Variants in CTNND1 observed in about 807,000 individuals in gnomAD.
CTNND1 encodes catenin delta 1.
CTNND1 carries 16 observed loss-of-function variants against 112.1 expected under a neutral mutation model. The ratio of observed to expected loss-of-function variants is 0.14; its 90% confidence interval spans 0.10 to 0.22. The LOEUF is 0.22. Ranked by LOEUF, CTNND1 falls within the 10% of genes least tolerant of loss-of-function variation. CTNND1 has a pLI of 1.00. For synonymous variants in CTNND1, 420 were observed against 446.5 expected (o/e 0.94, Z 0.75); for missense variants, 1,008 against 1,257.0 (o/e 0.80, Z 3.00).
chr11:57,803,885 A>G (rs1429906543), intron 8 of CTNND1, 81 bp downstream of exon 8: 2 of 1,139,464 alleles, frequency 1.8e-6, no homozygotes, highest in African/African-American at 3.2e-5. Flanking sequence ...AAAAATTAAA[A>G]TTCTTTAGCC....
chr11:57,783,163 A>G (rs1427555445), intron 1 of CTNND1, among the ~76,000 whole-genome samples: 4 of 152,112 alleles, frequency 2.6e-5, no homozygotes, highest in Non-Finnish European at 5.9e-5. Flanking sequence ...GCACATGCCT[A>G]TAGTCCCAGC....
intron 4 of CTNND1, 123 bp from the exon 5 acceptor site, chr11:57,795,454 A>T: frequency 1.0e-6 from 1 of 994,184 alleles, no homozygotes; most frequent in African/African-American, 1.7e-5. Flanking sequence ...AAAAATCCTG[A>T]GGCCTATAGA....
At chr11:57,800,415 C>T (rs995472795) in intron 6 of CTNND1, among the ~76,000 whole-genome samples, 1 of 151,938 alleles carries the variant, frequency 6.6e-6, no homozygotes, top group African/African-American at 2.4e-5. Flanking sequence ...TTACAGGTGC[C>T]CACCACCATG....
Position 57,789,036 on chromosome 11 carries a change from GCT to G in CTNND1, c.-208_-207del. 6.5e-7 allele frequency: 1 copy of G among 1,533,308 alleles called. No homozygotes were observed. The highest frequency in any genetic ancestry group is 1.2e-5 in the South Asian group (1 of 84,018). 95.0% of individuals were successfully genotyped at this position (1,533,308 alleles called of 1,614,324 possible). On this transcript the variant is annotated splice_region_variant and 5_prime_UTR_variant, in exon 2 of 21. Transcript: ENST00000399050. ...CATTTTTCCTTCAAATATTTCTGCA[GCT>G]CTCTCCTTCCTGCTTCCTCCTTGCT...
chr11:57,788,940 T>G lies in CTNND1; in HGVS notation c.-213-97T>G. 1.1e-6 allele frequency: 1 copy of G among 882,560 alleles called. No individual in the cohort carries two copies. Among genetic ancestry groups the G allele is most frequent in the Admixed American group, 2.0e-5 (1 of 48,874 alleles). 54.7% of individuals were successfully genotyped at this position (882,560 alleles called of 1,614,324 possible). On this transcript the variant is annotated intron_variant, in intron 1 of 20. Coordinates refer to ENST00000399050, the MANE Select transcript of CTNND1 (RefSeq NM_001085458.2). This position sits in a 1 kb window ranked among gnomAD's most constrained non-coding sequence, Gnocchi z 4.1. Reference sequence around the variant, plus strand: ...CAAGTCATATTTTAAATTACTTCCTTTCATTCCTAATATTGCCCCTTGCTC... The same window carrying G: ...CAAGTCATATTTTAAATTACTTCCTGTCATTCCTAATATTGCCCCTTGCTC...
chr11:57,787,524 C>T (rs2060260655), intron 1 of CTNND1, among the ~76,000 whole-genome samples: 1 of 152,194 alleles, frequency 6.6e-6, no homozygotes, highest in Non-Finnish European at 1.5e-5. Context: ...CTGAGTTAGA[C>T]CGGGCTAATT....
chr11:57,795,368 T>A (rs1251662849), intron 4 of CTNND1, among the ~76,000 whole-genome samples: 1 of 152,218 alleles, frequency 6.6e-6, no homozygotes, highest in Non-Finnish European at 1.5e-5. Flanking sequence ...TAGTTCATGT[T>A]TGTTAAATGA....
chr11:57,777,079 T>C (rs2136209734), intron 1 of CTNND1, among the ~76,000 whole-genome samples: 1 of 152,322 alleles, frequency 6.6e-6, no homozygotes, highest in East Asian at 1.9e-4. Context: ...TCTTGAGAGA[T>C]AAAGGGAGTT....
rs571444216 is a variant in CTNND1, at chr11:57,801,719, C to T, written c.957-14C>T. ...GACTTGATGTATTCTCTTGGTTCTTCCAAAACTTCTCAGGAGCTATGAAGA... is the reference window on the plus strand; with the variant it reads ...GACTTGATGTATTCTCTTGGTTCTTTCAAAACTTCTCAGGAGCTATGAAGA... On this transcript the variant is annotated splice_polypyrimidine_tract_variant and intron_variant, in intron 6 of 20. Coordinates refer to ENST00000399050, the MANE Select transcript of CTNND1 (RefSeq NM_001085458.2). 1.9e-6 allele frequency: 3 copies of T among 1,601,640 alleles called. No homozygotes were observed. In the East Asian group the frequency reaches 6.7e-5, roughly 36 times the overall value.
At chr11:57,772,834 T>TCTCTCC (rs1250844982) in intron 1 of CTNND1, among the ~76,000 whole-genome samples, 1 of 152,030 alleles carries the variant, frequency 6.6e-6, no homozygotes, top group Non-Finnish European at 1.5e-5. Context: ...CTCCTCTCTC[T>TCTCTCC]CTCTCCCTCT....
In CTNND1 at chr11:57,796,442, G is replaced by T. The variant is rs1161127985; in HGVS notation, c.421-15G>T. Reference sequence around the variant, plus strand: ...TCCTTAATTAGTTTTTCTTTTTCTTGTTTCCTACTTGCAGGTCAAGAAAGT... The same window carrying T: ...TCCTTAATTAGTTTTTCTTTTTCTTTTTTCCTACTTGCAGGTCAAGAAAGT... On this transcript the variant is annotated splice_polypyrimidine_tract_variant and intron_variant, in intron 5 of 20. Transcript: ENST00000399050. The T allele has an allele frequency of 3.8e-5, 59 of 1,546,844 alleles. No individual in the cohort carries two copies. The highest frequency in any genetic ancestry group is 1.1e-4 in the African/African-American group (8 of 71,650).
At chr11:57,767,269 A>G (rs1340158688) in intron 1 of CTNND1, among the ~76,000 whole-genome samples, 1 of 151,850 alleles carries the variant, frequency 6.6e-6, no homozygotes, top group Non-Finnish European at 1.5e-5. Flanking sequence ...CCAGAATTTT[A>G]TCTTAAAGCC....
chr11:57,815,698 T>A, intron 19 of CTNND1, 198 bp downstream of exon 19: 1 of 785,388 alleles, frequency 1.3e-6, no homozygotes, highest in South Asian at 1.4e-5. Flanking sequence ...GGGGGAAGCA[T>A]GTCTGTAAAA....
At chr11:57,797,391 T>C (rs999098412) in intron 6 of CTNND1, among the ~76,000 whole-genome samples, 7 of 148,118 alleles carry the variant, frequency 4.7e-5, no homozygotes, top group South Asian at 4.2e-4. Flanking sequence ...CCATCACGCC[T>C]GGCTAATTTT....
At chr11:57,807,643 T>C (rs2062865623) in intron 12 of CTNND1, among the ~76,000 whole-genome samples, 2 of 151,288 alleles carry the variant, frequency 1.3e-5, no homozygotes, top group Non-Finnish European at 2.9e-5. Flanking sequence ...AAAAGATACT[T>C]TTTGTACTTT....
At chr11:57,776,977 G>A (rs1954417822) in intron 1 of CTNND1, among the ~76,000 whole-genome samples, 1 of 152,018 alleles carries the variant, frequency 6.6e-6, no homozygotes, top group Non-Finnish European at 1.5e-5. Flanking sequence ...ACTTCACACC[G>A]TGGTACTTAA....
rs1951677076 is a variant in CTNND1, at chr11:57,768,435, C to T, written c.-214+6316C>T. Among the ~76,000 whole-genome samples the T allele has an allele frequency of 2.2e-5, 3 of 133,912 alleles. No homozygotes were observed. The South Asian group carries it at 7.2e-4, about 32-fold the overall frequency. The allele number at this position is 133,912 out of a possible 152,430, so 87.9% of individuals were successfully genotyped here. A position where few individuals can be genotyped will look rare whatever the true frequency, so the allele number is the denominator to read the frequency against. On this transcript the variant is annotated intron_variant, in intron 1 of 20. Coordinates refer to ENST00000399050, the MANE Select transcript of CTNND1 (RefSeq NM_001085458.2). ...TTTAGACAGAGTCTTGCTCTGTCGC[C>T]CAGGCTGGAGTGCAGTGGCGCGATC...
intron 5 of CTNND1, 74 bp downstream of exon 5, chr11:57,795,803 C>G: frequency 5.7e-6 from 8 of 1,408,436 alleles, no homozygotes; most frequent in Non-Finnish European, 7.5e-6. Flanking sequence ...GGGTTAAGCA[C>G]TTAATTAAGA....
chr11:57,813,905 T>A (rs2063657167), intron 17 of CTNND1: 1 of 155,948 alleles, frequency 6.4e-6, no homozygotes, highest in Non-Finnish European at 1.4e-5. Context: ...AATTAATACA[T>A]AAAACTCACA....
Sources: gnomAD v4.1 joint callset for allele counts (sites outside exome capture counted in the v4.1 genomes callset) on GRCh38, gnomAD v4.1.1 for gene constraint, Gnocchi (gnomAD v3.1) non-coding constraint, MANE v1.5 for transcripts, NCBI Gene and HGNC (gene_info 2026-07-23, HGNC 2026-07-21) for gene names.